The following ZAN variants were observed in gnomAD, a reference collection of about 807,000 sequenced individuals.
ZAN encodes the protein zonadhesin (gene/pseudogene).
In ZAN, 260 loss-of-function variants were observed where a neutral mutation model predicts 286.2. The observed-to-expected ratio is 0.91, with a 90% CI of 0.82 to 1.01. The LOEUF is 1.01. Ranked by LOEUF, ZAN falls within the 50% of genes least tolerant of loss-of-function variation. The pLI, the probability that ZAN is intolerant of heterozygous loss-of-function variation, is 0.00. For synonymous variants in ZAN, 1,368 were observed against 1,417.5 expected (o/e 0.97, Z 0.79); for missense variants, 3,410 against 3,639.2 (o/e 0.94, Z 1.62).
chr7:100,787,967 T>G lies in ZAN; in HGVS notation c.7058T>G (p.Met2353Arg). Residue 2353 changes from methionine to arginine, a missense_variant, in exon 38 of 48, where the codon ATG (methionine) becomes AGG (arginine). Physicochemically the swap from Met to Arg is moderately conservative, Grantham distance 91 (BLOSUM62 -1). Transcript: ENST00000613979. ...DGFSYRLQGR[M>R]TYVLIKTVDV... ...TTCAGCTACCGCTTGCAAGGCCGCA[T>G]GACCTATGTTCTGATCAAGACTGTG... 6.2e-6 allele frequency: 3 copies of G among 484,184 alleles called. No individual in the cohort carries two copies. The South Asian group carries it at 7.9e-5, about 13-fold the overall frequency. The allele number at this position is 484,184 out of a possible 1,614,324, so 30.0% of individuals were successfully genotyped here.
In ZAN at chr7:100,793,902, G is replaced by A. The variant is rs368754870; in HGVS notation, c.7870G>A (p.Gly2624Arg). The change falls in exon 43 of 48, where the codon GGA becomes AGA. Residue 2624 changes from glycine (G) to arginine (R), a missense_variant. Physicochemically the swap from Gly to Arg is moderately radical, Grantham distance 125 (BLOSUM62 -2). Around this residue, in one of 7 missense-constraint regions of ZAN, gnomAD observed 1,289 missense variants for 1,314.3 expected, o/e 0.98. Coordinates refer to ENST00000613979, the MANE Select transcript of ZAN (RefSeq NM_003386.3). Reference protein sequence around the residue: ...SILCQPGRPRGLRGPLRGRLR... With the variant: ...SILCQPGRPRRLRGPLRGRLR... ...CCTGTGCCAACCTGGCAGACCCCGG[G>A]GACTGCGAGGGCCCCTGCGTGGAAG... 4.1e-4 allele frequency: 669 copies of A among 1,613,812 alleles called. No individual in the cohort carries two copies. Among genetic ancestry groups the A allele is most frequent in the Non-Finnish European group, 5.1e-4 (606 of 1,179,876 alleles).
At chr7:100,756,715 A>G (rs554472550) in intron 15 of ZAN, among the ~76,000 whole-genome samples, 17 of 150,524 alleles carry the variant, frequency 1.1e-4, no homozygotes, top group Non-Finnish European at 2.4e-4. Context: ...TTTTTTTGAC[A>G]AACTATTCAC....
In ZAN at chr7:100,782,971, T is replaced by G. The variant is rs531238485; in HGVS notation, c.6623-1652T>G. Among the ~76,000 whole-genome samples, 4 of 152,238 alleles carry G rather than the reference T, an allele frequency of 2.6e-5. No homozygotes were observed. In the East Asian group the frequency reaches 7.7e-4, roughly 29 times the overall value. ...ACACAAAGTCGTAATCACTGAAAAT[T>G]TAAAATGAGCTTTGGGCTGGGCGCT... On this transcript the variant is annotated intron_variant, in intron 35 of 47. Coordinates refer to ENST00000613979, the MANE Select transcript of ZAN (RefSeq NM_003386.3).
intron 6 of ZAN, among the ~76,000 whole-genome samples, chr7:100,737,916 AC>A (rs1807427602): frequency 7.1e-6 from 1 of 140,184 alleles, no homozygotes; most frequent in Non-Finnish European, 1.6e-5. Flanking sequence ...AGCCTGGGCA[AC>A]ATAAGGAGAC....
Sources: allele counts gnomAD v4.1 joint callset (sites outside exome capture counted in the v4.1 genomes callset), GRCh38; gene constraint gnomAD v4.1.1; regional missense constraint gnomAD v4.1.1; transcripts MANE v1.5; gene names NCBI Gene and HGNC (gene_info 2026-07-23, HGNC 2026-07-21).